TACR3: variants seen among roughly 807,000 people sequenced by gnomAD.
TACR3 encodes the protein tachykinin receptor 3.
A neutral mutation model predicts 35.0 loss-of-function variants in TACR3; 34 were observed. That is an observed-to-expected ratio of 0.97 (90% confidence interval 0.74 to 1.30). The LOEUF is 1.30. Ranked by LOEUF, TACR3 falls within the 50% of genes most tolerant of loss-of-function variation. The pLI is 0.00. For missense variants in TACR3, 558 were observed against 591.7 expected, an observed-to-expected ratio of 0.94 and a Z score of 0.59; for synonymous variants, 233 against 221.1, an observed-to-expected ratio of 1.05 and a Z score of -0.48.
intron 1 of TACR3, among the ~76,000 whole-genome samples, 162 bp downstream of exon 1, chr4:103,718,966 C>A (rs1225950466): frequency 1.3e-5 from 2 of 152,110 alleles, no homozygotes; most frequent in African/African-American, 4.8e-5. Context: ...TTCAGCCACT[C>A]GAGGGCTACA....
intron 3 of TACR3, among the ~76,000 whole-genome samples, chr4:103,595,969 C>T (rs967927547): frequency 1.4e-5 from 2 of 144,398 alleles, no homozygotes; most frequent in African/African-American, 2.6e-5. Flanking sequence ...TCTCATTGTT[C>T]AATACCCACC....
chr4:103,633,862 C>CCTAA (rs1383598010), intron 3 of TACR3, among the ~76,000 whole-genome samples: 1 of 151,966 alleles, frequency 6.6e-6, no homozygotes, highest in African/African-American at 2.4e-5. Context: ...CACAGATATT[C>CCTAA]CTAACTTTAG....
intron 3 of TACR3, among the ~76,000 whole-genome samples, chr4:103,641,041 T>C (rs888108641): frequency 6.6e-5 from 10 of 152,028 alleles, no homozygotes; most frequent in Non-Finnish European, 1.3e-4. Flanking sequence ...TTTCAAGGCT[T>C]ACATTTAAGT....
rs780003218 is a variant in TACR3, at chr4:103,656,203, G to A, written c.879C>T (p.Ala293=). ...TCDKYHEQLK[A]KRKVVKMMII... is the part of the protein sequence containing the mutation. ...CAACATGGACCAGTACCTTTCTTTT[G>A]GCCTTTAGCTGCTCATGATACTTGT... is the stretch of plus-strand genomic sequence containing the variant. The change falls in exon 3 of 5, where the codon GCC becomes GCT. Residue 293 remains alanine, a synonymous_variant. Coordinates refer to ENST00000304883, the MANE Select transcript of TACR3 (RefSeq NM_001059.3). The A allele has an allele frequency of 1.2e-6, 2 of 1,612,786 alleles. No individual in the cohort carries two copies. The highest frequency in any genetic ancestry group is 2.2e-5 in the South Asian group (2 of 91,062).
intron 3 of TACR3, among the ~76,000 whole-genome samples, chr4:103,626,949 C>T (rs1044350728): frequency 2.7e-5 from 4 of 150,746 alleles, no homozygotes; most frequent in African/African-American, 7.3e-5. Context: ...TTGAGGTGGG[C>T]GGATCACGAG....
chr4:103,634,250 A>C (rs1217271096), intron 3 of TACR3, among the ~76,000 whole-genome samples: 2 of 152,122 alleles, frequency 1.3e-5, no homozygotes, highest in Non-Finnish European at 2.9e-5. Flanking sequence ...ATTGCTTAAA[A>C]ATCTTTCTTT....
chr4:103,701,208 A>T (rs1299681880), intron 1 of TACR3, among the ~76,000 whole-genome samples: 1 of 152,152 alleles, frequency 6.6e-6, no homozygotes, highest in Admixed American at 6.5e-5. Flanking sequence ...AAGTCTCAGG[A>T]TACAAAATCA....
chr4:103,631,591 T>G (rs1476087836), intron 3 of TACR3, among the ~76,000 whole-genome samples: 1 of 152,208 alleles, frequency 6.6e-6, no homozygotes, highest in African/African-American at 2.4e-5. Flanking sequence ...GAACTTTGTC[T>G]GGAAGATTCA....
chr4:103,677,413 G>A (rs1726192827), intron 1 of TACR3, among the ~76,000 whole-genome samples: 1 of 152,152 alleles, frequency 6.6e-6, no homozygotes. Flanking sequence ...GCATGTGTAT[G>A]TTTATTGCAG....
chr4:103,684,673 G>T (rs2110212232), intron 1 of TACR3, among the ~76,000 whole-genome samples: 1 of 152,112 alleles, frequency 6.6e-6, no homozygotes, highest in Non-Finnish European at 1.5e-5. Flanking sequence ...ACTCCAGTAA[G>T]ATTTCTTTAT....
chr4:103,716,437 T>A lies in TACR3; in HGVS notation c.548+2691A>T, dbSNP rs190519071. 4.2e-3 allele frequency among the ~76,000 whole-genome samples: 638 copies of A among 152,228 alleles called. 7 individuals are homozygous for A. Among genetic ancestry groups the A allele is most frequent in the African/African-American group, 0.015 (612 of 41,544 alleles). On this transcript the variant is annotated intron_variant, in intron 1 of 4. Coordinates refer to ENST00000304883, the MANE Select transcript of TACR3 (RefSeq NM_001059.3). ...AAGACCAGAACTGGTGATCTCACAG[T>A]CAAATCTAGTAAACTTACTAATATT...
intron 1 of TACR3, among the ~76,000 whole-genome samples, chr4:103,661,776 G>T (rs11725038): frequency 3.6e-4 from 55 of 152,022 alleles, no homozygotes; most frequent in African/African-American, 1.2e-3. Flanking sequence ...GTTAGTGATA[G>T]TAGAGATACT....
Position 103,719,925 on chromosome 4 carries a change from G to A in TACR3, c.-250C>T. ...AGAATGAGATCCTCCCGAGATTAAG[G>A]GTTATCGAGTCACATCACACGTAGG... On this transcript the variant is annotated 5_prime_UTR_variant, in exon 1 of 5. Coordinates refer to ENST00000304883, the MANE Select transcript of TACR3 (RefSeq NM_001059.3). The A allele has an allele frequency of 1.7e-6, 1 of 588,344 alleles. No individual in the cohort carries two copies. Among genetic ancestry groups the A allele is most frequent in the Non-Finnish European group, 3.0e-6 (1 of 330,692 alleles). The allele number at this position is 588,344 out of a possible 1,614,324, so 36.4% of individuals were successfully genotyped here. A position where few individuals can be genotyped will look rare whatever the true frequency, so the allele number is the denominator to read the frequency against.
Position 103,719,745 on chromosome 4 carries a change from T to C in TACR3, c.-70A>G. ...AGCCCAAGACGAGACTCCTCTGAAG[T>C]TCTTCTCTGCCTCCTGGTCACTTTG... On this transcript the variant is annotated 5_prime_UTR_variant, in exon 1 of 5. Coordinates refer to ENST00000304883, the MANE Select transcript of TACR3 (RefSeq NM_001059.3). 1.3e-6 allele frequency: 2 copies of C among 1,579,924 alleles called. No homozygotes were observed. The highest frequency in any genetic ancestry group is 8.6e-7 in the Non-Finnish European group (1 of 1,165,734).
chr4:103,634,672 G>A (rs1286770478), intron 3 of TACR3, among the ~76,000 whole-genome samples: 1 of 152,040 alleles, frequency 6.6e-6, no homozygotes, highest in East Asian at 1.9e-4. Context: ...AACAATTGCT[G>A]GATTTTCGCA....
chr4:103,712,009 G>T (rs1387329037), intron 1 of TACR3, among the ~76,000 whole-genome samples: 1 of 152,124 alleles, frequency 6.6e-6, no homozygotes, highest in African/African-American at 2.4e-5. Flanking sequence ...ACAAAGAAAT[G>T]GAAGAACATT....
At position 103,589,860 on chromosome 4, in the gene TACR3, T is replaced by C. The variant is rs200172521; in HGVS notation, c.1220A>G (p.Glu407Gly). 3 of 1,613,948 alleles carry C rather than the reference T, an allele frequency of 1.9e-6. No individual in the cohort carries two copies. In the South Asian group the frequency reaches 3.3e-5, roughly 18 times the overall value. The change falls in exon 5 of 5, where the codon GAG (glutamate) becomes GGG (glycine). Residue 407 changes from glutamate to glycine, a missense_variant. Glu to Gly is a moderately conservative substitution (Grantham distance 98). Coordinates refer to ENST00000304883, the MANE Select transcript of TACR3 (RefSeq NM_001059.3). ...GGGGTCAAACACGACTGTCATGGAC[T>C]CCATTCTGGTCACGGTGTACATACT... is the stretch of plus-strand genomic sequence containing the variant. ...QSSMYTVTRM[E>G]SMTVVFDPND...
At chr4:103,613,811 G>T (rs1168728537) in intron 3 of TACR3, among the ~76,000 whole-genome samples, 1 of 152,104 alleles carries the variant, frequency 6.6e-6, no homozygotes, top group Non-Finnish European at 1.5e-5. Context: ...CTGGCTTGTA[G>T]GTGGCTACCA....
intron 3 of TACR3, among the ~76,000 whole-genome samples, chr4:103,632,227 C>G (rs917244522): frequency 2.0e-5 from 3 of 152,020 alleles, no homozygotes; most frequent in Non-Finnish European, 4.4e-5. Flanking sequence ...CCAGATGAGA[C>G]AGAAAACATT....
Sources: gnomAD v4.1 joint callset for allele counts (sites outside exome capture counted in the v4.1 genomes callset) on GRCh38, gnomAD v4.1.1 for gene constraint, MANE v1.5 for transcripts, NCBI Gene and HGNC (gene_info 2026-07-23, HGNC 2026-07-21) for gene names.